The following LAMB1 variants were observed in gnomAD, a reference collection of about 807,000 sequenced individuals.
LAMB1 encodes the protein laminin subunit beta-1.
In LAMB1, 121 loss-of-function variants were observed where a neutral mutation model predicts 222.3. The observed-to-expected ratio is 0.54, with a 90% CI of 0.47 to 0.63. LAMB1 has a LOEUF of 0.63. Among genes scored for constraint, LAMB1 ranks in the 30% least tolerant of loss-of-function variants. The pLI, the probability that LAMB1 is intolerant of heterozygous loss-of-function variation, is 0.00. For missense variants in LAMB1, 2,172 were observed against 2,240.8 expected, an observed-to-expected ratio of 0.97 and a Z score of 0.62; for synonymous variants, 794 against 807.2, an observed-to-expected ratio of 0.98 and a Z score of 0.28.
At chr7:107,948,238 T>C (rs1021660455) in intron 24 of LAMB1, among the ~76,000 whole-genome samples, 3 of 152,294 alleles carry the variant, frequency 2.0e-5, no homozygotes, top group East Asian at 1.9e-4. Flanking sequence ...CCGCCCGCCT[T>C]GGCCTCCCAA....
At chr7:107,974,052 C>T (rs970277460) in intron 12 of LAMB1, among the ~76,000 whole-genome samples, 1 of 152,120 alleles carries the variant, frequency 6.6e-6, no homozygotes, top group Non-Finnish European at 1.5e-5. Flanking sequence ...ACTGAGATTA[C>T]AAGTATGAGT....
chr7:107,945,765 A>G (rs2033102158), intron 24 of LAMB1, among the ~76,000 whole-genome samples: 1 of 152,242 alleles, frequency 6.6e-6, no homozygotes, highest in Non-Finnish European at 1.5e-5. Context: ...GGATAAAATT[A>G]AGAATACTTA....
chr7:107,963,952 G>T (rs1207140557), intron 14 of LAMB1, among the ~76,000 whole-genome samples: 2 of 152,214 alleles, frequency 1.3e-5, no homozygotes, highest in Non-Finnish European at 2.9e-5. Flanking sequence ...TACAAAATTA[G>T]CCAGGCGTGG....
intron 5 of LAMB1, among the ~76,000 whole-genome samples, chr7:107,991,646 C>T (rs542876082): frequency 1.3e-5 from 2 of 151,508 alleles, no homozygotes; most frequent in Admixed American, 6.6e-5. Context: ...CGCGGTAGCT[C>T]ACGTCTGTAA....
intron 4 of LAMB1, among the ~76,000 whole-genome samples, chr7:107,996,627 C>T (rs1352120555): frequency 6.6e-6 from 1 of 152,182 alleles, no homozygotes; most frequent in Admixed American, 6.5e-5. Flanking sequence ...TCTCTTGTGA[C>T]AGAGTGACAG....
chr7:107,952,962 T>G (rs1264751973), intron 22 of LAMB1, among the ~76,000 whole-genome samples: 1 of 151,978 alleles, frequency 6.6e-6, no homozygotes, highest in Non-Finnish European at 1.5e-5. Flanking sequence ...ATGCCATTTA[T>G]CATGGGGACA....
chr7:107,929,012 T>G lies in LAMB1; in HGVS notation c.4887+52A>C, dbSNP rs1171792143. On this transcript the variant is annotated intron_variant, in intron 31 of 33. Transcript: ENST00000222399. The stretch of plus-strand genomic sequence containing the variant: ...ATAGATAACAAATGTACTTTTCTGG[T>G]AAGTGTATATGTAGGTGTGTTCCCA... 5.9e-6 allele frequency: 9 copies of G among 1,532,762 alleles called. No individual in the cohort carries two copies. In the Admixed American group the frequency reaches 8.6e-5, roughly 15 times the overall value. The allele number at this position is 1,532,762 out of a possible 1,614,324, so 94.9% of individuals were successfully genotyped here.
intron 30 of LAMB1, 100 bp downstream of exon 30, chr7:107,929,312 C>T (rs185041510): frequency 3.5e-4 from 527 of 1,493,108 alleles, no homozygotes; most frequent in Non-Finnish European, 4.5e-4. Flanking sequence ...CAGAGAGACT[C>T]GCATAGGTCC....
intron 5 of LAMB1, among the ~76,000 whole-genome samples, chr7:107,994,680 CTCTT>C (rs1368913224): frequency 3.3e-5 from 5 of 152,194 alleles, no homozygotes; most frequent in Admixed American, 3.3e-4. Flanking sequence ...AGAATAGAGG[CTCTT>C]TCTACTTATT....
At chr7:107,980,461 C>CA in intron 8 of LAMB1, 148 bp downstream of exon 8, 1 of 615,566 alleles carries the variant, frequency 1.6e-6, no homozygotes, top group Non-Finnish European at 2.8e-6. Flanking sequence ...AATCAACAAT[C>CA]AGCTACCTGT....
intron 8 of LAMB1, among the ~76,000 whole-genome samples, chr7:107,979,582 G>A (rs1432206212): frequency 6.6e-6 from 1 of 152,156 alleles, no homozygotes; most frequent in Non-Finnish European, 1.5e-5. Context: ...CTCTAGGTCT[G>A]TAAGAATTCT....
Position 107,932,256 on chromosome 7 carries a change from G to C in LAMB1, c.4310C>G (p.Ala1437Gly), listed in dbSNP as rs978244314. The C allele has an allele frequency of 2.5e-6, 4 of 1,614,064 alleles. No homozygotes were observed. In the African/African-American group the frequency reaches 4.0e-5, roughly 16 times the overall value. The part of the protein sequence containing the change: ...GPGCGGLVTV[A>G]HNAWQKAMDL... ...CATGGCTTTCTGCCAGGCGTTGTGT[G>C]CAACAGTAACCAGACCACCACAGCC... Residue 1437 changes from alanine (A) to glycine (G), a missense_variant, in exon 28 of 34, where the codon GCA becomes GGA. Coordinates refer to ENST00000222399, the MANE Select transcript of LAMB1 (RefSeq NM_002291.3).
chr7:107,986,594 A>G (rs1173714853), intron 5 of LAMB1, among the ~76,000 whole-genome samples: 1 of 152,336 alleles, frequency 6.6e-6, no homozygotes, highest in Non-Finnish European at 1.5e-5. Context: ...CTACTGGATA[A>G]GTAAACTGTT....
At chr7:107,987,793 C>T (rs754066744) in intron 5 of LAMB1, among the ~76,000 whole-genome samples, 6 of 152,200 alleles carry the variant, frequency 3.9e-5, no homozygotes, top group African/African-American at 4.8e-5. Flanking sequence ...TGAGCCCCCG[C>T]GCCTGGGCCA....
chr7:107,928,353 T>A (rs1449289394), intron 31 of LAMB1, among the ~76,000 whole-genome samples: 1 of 152,234 alleles, frequency 6.6e-6, no homozygotes, highest in African/African-American at 2.4e-5. Flanking sequence ...AAAACTACTA[T>A]ATAGTAAAAT....
chr7:107,995,664 C>G (rs1351995050), intron 4 of LAMB1, among the ~76,000 whole-genome samples: 2 of 152,166 alleles, frequency 1.3e-5, no homozygotes, highest in Non-Finnish European at 2.9e-5. Flanking sequence ...GTCAGTCAGT[C>G]TCACTTAAAC....
At chr7:108,001,838 T>G in intron 2 of LAMB1, 105 bp from the exon 3 acceptor site, 1 of 1,531,864 alleles carries the variant, frequency 6.5e-7, no homozygotes, top group South Asian at 1.2e-5. Flanking sequence ...GAGAGGACAG[T>G]CCATTCGGAA....
At chr7:108,000,824 G>A (rs980395093) in intron 3 of LAMB1, among the ~76,000 whole-genome samples, 2 of 152,336 alleles carry the variant, frequency 1.3e-5, no homozygotes, top group Middle Eastern at 6.8e-3. Context: ...TTACAGGCAT[G>A]GAGCCATTTT....
chr7:107,967,311 C>T (rs560159726), intron 13 of LAMB1, among the ~76,000 whole-genome samples: 1 of 152,328 alleles, frequency 6.6e-6, no homozygotes, highest in African/African-American at 2.4e-5. Context: ...ACTGCCACTG[C>T]GTCAGTCCAG....
Sources: gnomAD v4.1 joint callset for allele counts (sites outside exome capture counted in the v4.1 genomes callset) on GRCh38, gnomAD v4.1.1 for gene constraint, MANE v1.5 for transcripts, NCBI Gene and HGNC (gene_info 2026-07-23, HGNC 2026-07-21) for gene names.